Variants in SCD observed in about 807,000 individuals in gnomAD.
The protein encoded by SCD is acyl-CoA desaturase.
A neutral mutation model predicts 35.7 loss-of-function variants in SCD; 4 were observed. The ratio of observed to expected loss-of-function variants is 0.11; its 90% CI spans 0.06 to 0.26. The LOEUF (loss-of-function observed/expected upper bound fraction) is 0.26, where lower values mean the gene tolerates loss of function less well. Among genes scored for constraint, SCD ranks in the 10% least tolerant of loss-of-function variants. The pLI, the probability that SCD is intolerant of heterozygous loss-of-function variation, is 1.00. For missense variants in SCD, 282 were observed against 460.7 expected (o/e 0.61, Z 3.55); for synonymous variants, 150 against 170.2 (o/e 0.88, Z 0.92).
chr10:100,356,457 TCCC>T lies in SCD; in HGVS notation c.648-74_648-72del, dbSNP rs373482386. On this transcript the variant is annotated intron_variant, in intron 4 of 5. Transcript: ENST00000370355. The surrounding 1 kb of genome is among the most constrained non-coding windows in gnomAD (Gnocchi z 4.1). ...CATGGAAGAAAGACAGCCCATCCCC[TCCC>T]AATTAGTGTGGAAGATCCATGTAGG... 158 of 853,978 alleles carry T rather than the reference TCCC, an allele frequency of 1.9e-4. 1 individual carries two copies. In the Middle Eastern group the frequency reaches 2.7e-3, roughly 14 times the overall value. The allele number at this position is 853,978 out of a possible 1,614,324, so 52.9% of individuals were successfully genotyped here.
rs200406597 is a variant in SCD at position 100,356,633 on chromosome 10, C to A, written c.749C>A (p.Thr250Asn). 2.7e-5 allele frequency: 43 copies of A among 1,614,140 alleles called. No individual in the cohort carries two copies. Among genetic ancestry groups the A allele is most frequent in the Non-Finnish European group, 3.6e-5 (42 of 1,180,056 alleles). Reference sequence around the variant, plus strand: ...TTTCAAAACAGTGTGTTCGTTGCCACTTTCTTGCGATATGCTGTGGTGCTT... The same window carrying A: ...TTTCAAAACAGTGTGTTCGTTGCCAATTTCTTGCGATATGCTGTGGTGCTT... ...ETFQNSVFVA[T>N]FLRYAVVLNA... Residue 250 changes from threonine to asparagine, a missense_variant, in exon 5 of 6, where the codon ACT becomes AAT. By Grantham distance (65) the Thr-to-Asn change is moderately conservative. Around this residue, in one of 2 missense-constraint regions of SCD, gnomAD observed 205 missense variants for 372.3 expected, o/e 0.55. Coordinates refer to ENST00000370355, the MANE Select transcript of SCD (RefSeq NM_005063.5). The surrounding 1 kb of genome is among the most constrained non-coding windows in gnomAD (Gnocchi z 4.1).
intron 2 of SCD, among the ~76,000 whole-genome samples, chr10:100,350,929 G>C (rs1849864879): frequency 6.6e-6 from 1 of 152,172 alleles, no homozygotes; most frequent in African/African-American, 2.4e-5. Flanking sequence ...GACTGGCTCT[G>C]TGGCTCTCCT....
At position 100,347,434 on chromosome 10, in the gene SCD, C is replaced by T. The variant is rs199741145; in HGVS notation, c.-71C>T. 3 of 1,551,470 alleles carry T rather than the reference C, an allele frequency of 1.9e-6. No homozygotes were observed. Among genetic ancestry groups the T allele is most frequent in the South Asian group, 2.3e-5 (2 of 87,030 alleles). ...ACCGGCGGGCTTCGAAACCGCAGTC[C>T]TCCGGCGACCCCGAACTCCGCTCCG... On this transcript the variant is annotated 5_prime_UTR_variant, in exon 1 of 6. Transcript: ENST00000370355.
chr10:100,348,269 T>G lies in SCD; in HGVS notation c.233T>G (p.Leu78Arg), dbSNP rs766819291. 1 of 1,614,140 alleles carries G rather than the reference T, an allele frequency of 6.2e-7. No homozygotes were observed. The highest frequency in any genetic ancestry group is 1.7e-5 in the Admixed American group (1 of 60,022). ...KVEYVWRNII[L>R]MSLLHLGALY... ...GAATATGTCTGGAGAAACATCATCC[T>G]TATGTCTCTGCTACACTTGGGAGCC... Residue 78 changes from leucine to arginine, a missense_variant, in exon 2 of 6, where the codon CTT becomes CGT. Around this residue, in one of 2 missense-constraint regions of SCD, gnomAD observed 205 missense variants for 372.3 expected, o/e 0.55. Coordinates refer to ENST00000370355, the MANE Select transcript of SCD (RefSeq NM_005063.5).
intron 2 of SCD, among the ~76,000 whole-genome samples, chr10:100,351,225 C>T (rs904481918): frequency 2.0e-5 from 3 of 152,194 alleles, no homozygotes; most frequent in Admixed American, 1.3e-4. Context: ...AGCCCACTTC[C>T]CAGTTAGAGA....
rs897751821 is a variant in SCD at position 100,364,571 on chromosome 10, C to A, written c.*3638C>A. 2.0e-5 allele frequency: 3 copies of A among 152,538 alleles called. No homozygotes were observed. The highest frequency in any genetic ancestry group is 7.2e-5 in the African/African-American group (3 of 41,412). The allele number at this position is 152,538 out of a possible 1,614,324, so 9.4% of individuals were successfully genotyped here. On this transcript the variant is annotated 3_prime_UTR_variant, in exon 6 of 6. Transcript: ENST00000370355. ...TTAGTCTATATGGTTCTCCAAGAAA[C>A]TGAATGAATCCATTGGAGAAGCGGT...
At position 100,360,979 on chromosome 10, in the gene SCD, G is replaced by A. The variant is rs200181676; in HGVS notation, c.*46G>A. 4 of 1,519,422 alleles carry A rather than the reference G, an allele frequency of 2.6e-6. No homozygotes were observed. Among genetic ancestry groups the A allele is most frequent in the Non-Finnish European group, 3.6e-6 (4 of 1,098,962 alleles). The allele number at this position is 1,519,422 out of a possible 1,614,324, so 94.1% of individuals were successfully genotyped here. ...CTTTTTCAAAAACCAGCCAGGCAGAGGTTTTAATGTCTGTTTATTAACTAC... is the reference window on the plus strand; with the variant it reads ...CTTTTTCAAAAACCAGCCAGGCAGAAGTTTTAATGTCTGTTTATTAACTAC... On this transcript the variant is annotated 3_prime_UTR_variant, in exon 6 of 6. Transcript: ENST00000370355.
In SCD at chr10:100,348,146, C is replaced by G. The variant is rs776589202; in HGVS notation, c.110C>G (p.Thr37Arg). The G allele has an allele frequency of 1.9e-6, 3 of 1,613,832 alleles. No individual in the cohort carries two copies. The highest frequency in any genetic ancestry group is 2.5e-6 in the Non-Finnish European group (3 of 1,179,840). The change falls in exon 2 of 6, where the codon ACG becomes AGG. Residue 37 changes from threonine (T) to arginine (R), a missense_variant. By Grantham distance (71) the Thr-to-Arg change is moderately conservative (BLOSUM62 -1). Transcript: ENST00000370355. Reference sequence around the variant, plus strand: ...CAGAATGGAGGAGATAAGTTGGAGACGATGCCCCTCTACTTGGAAGACGAC... The same window carrying G: ...CAGAATGGAGGAGATAAGTTGGAGAGGATGCCCCTCTACTTGGAAGACGAC... ...VLQNGGDKLE[T>R]MPLYLEDDIR...
chr10:100,356,524 C>T lies in SCD; in HGVS notation c.648-8C>T. The T allele has an allele frequency of 6.2e-7, 1 of 1,610,160 alleles. No individual in the cohort carries two copies. The highest frequency in any genetic ancestry group is 1.1e-5 in the South Asian group (1 of 90,988). On this transcript the variant is annotated splice_polypyrimidine_tract_variant and splice_region_variant and intron_variant, in intron 4 of 5. Transcript: ENST00000370355. The surrounding 1 kb of genome is among the most constrained non-coding windows in gnomAD (Gnocchi z 4.1). ...TCCATTGACCTGGTGTCTGGTCTGT[C>T]AATGTAGGTACTACAAACCTGGCTT...
intron 2 of SCD, 93 bp downstream of exon 2, chr10:100,348,439 C>T: frequency 7.7e-7 from 1 of 1,301,640 alleles, no homozygotes; most frequent in Non-Finnish European, 1.1e-6. Flanking sequence ...CAGCCCCTCC[C>T]AGCCTCCCGG....
At position 100,361,750 on chromosome 10, in the gene SCD, C is replaced by CT. The variant is rs1849992312; in HGVS notation, c.*824dup. The stretch of plus-strand genomic sequence containing the variant: ...CTCTGCTGGGGAAGGGTTTTCTTTT[C>CT]TTTTTTTCTTTAATAACAAGGAGAT... On this transcript the variant is annotated 3_prime_UTR_variant, in exon 6 of 6. Transcript: ENST00000370355. 1 of 152,118 alleles carries CT rather than the reference C, an allele frequency of 6.6e-6. No homozygotes were observed. The highest frequency in any genetic ancestry group is 2.1e-4 in the South Asian group (1 of 4,832). 9.4% of individuals were successfully genotyped at this position (152,118 alleles called of 1,614,324 possible). A position where few individuals can be genotyped will look rare whatever the true frequency, so the allele number is the denominator to read the frequency against.
intron 4 of SCD, among the ~76,000 whole-genome samples, chr10:100,355,500 A>C (rs1849919038): frequency 6.6e-6 from 1 of 152,212 alleles, no homozygotes. Flanking sequence ...TCCTAAAAGC[A>C]GACTTAGGAC....
rs757176296 is a variant in SCD, at chr10:100,360,962, A to G, written c.*29A>G. ...TGGGGTCCCTCAGGTTCCTTTTTCA[A>G]AAACCAGCCAGGCAGAGGTTTTAAT... On this transcript the variant is annotated 3_prime_UTR_variant, in exon 6 of 6. Transcript: ENST00000370355. The G allele has an allele frequency of 1.0e-5, 16 of 1,594,196 alleles. No homozygotes were observed. The African/African-American group carries it at 1.6e-4, about 16-fold the overall frequency.
intron 2 of SCD, among the ~76,000 whole-genome samples, chr10:100,349,884 C>G (rs114196411): frequency 0.012 from 1,802 of 152,220 alleles, 33 homozygotes; most frequent in African/African-American, 0.042. Context: ...GTGGATGCCT[C>G]TCTCCACCCT....
At chr10:100,350,736 TA>T (rs942233323) in intron 2 of SCD, among the ~76,000 whole-genome samples, 2 of 152,148 alleles carry the variant, frequency 1.3e-5, no homozygotes, top group African/African-American at 2.4e-5. Context: ...TTGCAGCAAA[TA>T]ACAACCCTAG....
rs1240105336 is a variant in SCD, at chr10:100,348,053, C to T, written c.28-11C>T. On this transcript the variant is annotated splice_polypyrimidine_tract_variant and intron_variant, in intron 1 of 5. Transcript: ENST00000370355. ...CTCTTCTCCTGACTCTCCTCTTCCT[C>T]CCCCTTCCAGATCTCTAGCTCCTAT... The T allele has an allele frequency of 1.2e-6, 2 of 1,611,742 alleles. No homozygotes were observed. Among genetic ancestry groups the T allele is most frequent in the Non-Finnish European group, 8.5e-7 (1 of 1,178,782 alleles).
chr10:100,349,113 C>T (rs1849844223), intron 2 of SCD, among the ~76,000 whole-genome samples: 1 of 152,204 alleles, frequency 6.6e-6, no homozygotes, highest in African/African-American at 2.4e-5. Context: ...CTTCCAACAC[C>T]AGTCCTACCC....
In SCD at chr10:100,347,291, A is replaced by C. The variant is rs1316022588; in HGVS notation, c.-214A>C. On this transcript the variant is annotated 5_prime_UTR_variant, in exon 1 of 6. Transcript: ENST00000370355. ...GCGGATAAAAGGGGGCTGAGGAAATACCGGACACGGTCACCCGTTGCCAGC... is the reference window on the plus strand; with the variant it reads ...GCGGATAAAAGGGGGCTGAGGAAATCCCGGACACGGTCACCCGTTGCCAGC... 3 of 618,334 alleles carry C rather than the reference A, an allele frequency of 4.9e-6. No individual in the cohort carries two copies. Among genetic ancestry groups the C allele is most frequent in the Non-Finnish European group, 8.7e-6 (3 of 344,948 alleles). 38.3% of individuals were successfully genotyped at this position (618,334 alleles called of 1,614,324 possible).
chr10:100,348,158 A>G lies in SCD; in HGVS notation c.122A>G (p.Tyr41Cys), dbSNP rs763165546. ...GGDKLETMPL[Y>C]LEDDIRPDIK... The stretch of plus-strand genomic sequence containing the variant: ...GATAAGTTGGAGACGATGCCCCTCT[A>G]CTTGGAAGACGACATTCGCCCTGAT... Residue 41 changes from tyrosine (Y) to cysteine (C), a missense_variant, in exon 2 of 6, where the codon TAC (tyrosine) becomes TGC (cysteine). By Grantham distance (194) the Tyr-to-Cys change is radical. Around this residue, in one of 2 missense-constraint regions of SCD, gnomAD observed 77 missense variants for 88.4 expected, o/e 0.87. Coordinates refer to ENST00000370355, the MANE Select transcript of SCD (RefSeq NM_005063.5). 2.5e-6 allele frequency: 4 copies of G among 1,613,808 alleles called. No homozygotes were observed. Among genetic ancestry groups the G allele is most frequent in the Non-Finnish European group, 3.4e-6 (4 of 1,179,858 alleles).
Sources: gnomAD v4.1 joint callset for allele counts (sites outside exome capture counted in the v4.1 genomes callset) on GRCh38, gnomAD v4.1.1 for gene constraint, gnomAD v4.1.1 regional missense constraint, Gnocchi (gnomAD v3.1) non-coding constraint, MANE v1.5 for transcripts, NCBI Gene and HGNC (gene_info 2026-07-23, HGNC 2026-07-21) for gene names.